The following KSR2 variants were observed in gnomAD, a reference collection of about 807,000 sequenced individuals.
The protein encoded by KSR2 is kinase suppressor of ras 2.
A neutral mutation model predicts 107.8 loss-of-function variants in KSR2; 25 were observed. The observed-to-expected ratio is 0.23, with a 90% CI of 0.17 to 0.32. KSR2 has a LOEUF of 0.32. KSR2 is among the 10% of genes least tolerant of loss of function. KSR2 has a pLI of 1.00. For synonymous variants in KSR2, 480 were observed against 507.0 expected, an observed-to-expected ratio of 0.95 and a Z score of 0.71; for missense variants, 887 against 1,268.9, an observed-to-expected ratio of 0.70 and a Z score of 4.57.
At chr12:117,898,850 T>C (rs1032447000) in intron 1 of KSR2, among the ~76,000 whole-genome samples, 1 of 152,184 alleles carries the variant, frequency 6.6e-6, no homozygotes, top group Admixed American at 6.5e-5. Flanking sequence ...TCACATGTTC[T>C]CAGTTATTTG....
intron 8 of KSR2, 116 bp downstream of exon 8, chr12:117,558,390 G>A: frequency 7.0e-6 from 5 of 710,510 alleles, no homozygotes; most frequent in Non-Finnish European, 1.3e-5. Flanking sequence ...AACAATGCTG[G>A]AAGTATGTGG....
At chr12:117,674,427 C>T (rs1301951010) in intron 4 of KSR2, 1 of 455,736 alleles carries the variant, frequency 2.2e-6, no homozygotes, top group South Asian at 1.6e-5. Context: ...TAAGTTCATT[C>T]ATATTGGAAG....
chr12:117,719,899 G>A (rs1472770349), intron 4 of KSR2, among the ~76,000 whole-genome samples: 2 of 152,148 alleles, frequency 1.3e-5, no homozygotes, highest in Non-Finnish European at 2.9e-5. Flanking sequence ...TAGTGTGTTG[G>A]GGGCGAAGGG....
At chr12:117,668,995 C>T (rs1167945575) in intron 4 of KSR2, among the ~76,000 whole-genome samples, 2 of 152,144 alleles carry the variant, frequency 1.3e-5, no homozygotes, top group Non-Finnish European at 2.9e-5. Context: ...CCCCTCAGCT[C>T]ACAGCATTTG....
At chr12:117,932,132 C>G (rs1006684779) in intron 1 of KSR2, among the ~76,000 whole-genome samples, 10 of 151,858 alleles carry the variant, frequency 6.6e-5, no homozygotes, top group Admixed American at 2.0e-4. Flanking sequence ...ACTAAAAATA[C>G]AAAAATTAGC....
chr12:117,583,418 T>C (rs941856599), intron 5 of KSR2, among the ~76,000 whole-genome samples: 8 of 127,606 alleles, frequency 6.3e-5, no homozygotes, highest in Non-Finnish European at 9.4e-5. Context: ...GATGGATGGA[T>C]GGATGGATGG....
chr12:117,756,990 G>A (rs1888815307), intron 4 of KSR2, among the ~76,000 whole-genome samples: 2 of 151,888 alleles, frequency 1.3e-5, no homozygotes. Context: ...AGGAGGTGGA[G>A]GTTGCAGTGA....
chr12:117,670,364 G>A (rs966665085), intron 4 of KSR2, among the ~76,000 whole-genome samples: 3 of 152,164 alleles, frequency 2.0e-5, no homozygotes, highest in Non-Finnish European at 4.4e-5. Context: ...GGGAGATGCT[G>A]TTATTATCTT....
intron 7 of KSR2, among the ~76,000 whole-genome samples, chr12:117,563,452 CCACT>C (rs1477350280): frequency 6.6e-6 from 1 of 152,164 alleles, no homozygotes; most frequent in Non-Finnish European, 1.5e-5. Context: ...AGCTGCCGAT[CCACT>C]CAGAGCCTCA....
At chr12:117,870,730 G>A (rs932036952) in intron 1 of KSR2, among the ~76,000 whole-genome samples, 6 of 152,188 alleles carry the variant, frequency 3.9e-5, no homozygotes, top group Non-Finnish European at 7.3e-5. Flanking sequence ...GAGATCCTGC[G>A]CTTGCCAAGG....
chr12:117,643,874 C>G (rs1162968269), intron 5 of KSR2, among the ~76,000 whole-genome samples: 1 of 152,210 alleles, frequency 6.6e-6, no homozygotes, highest in Non-Finnish European at 1.5e-5. Context: ...CAATTTTATT[C>G]TTAACACTAC....
intron 5 of KSR2, among the ~76,000 whole-genome samples, chr12:117,618,744 A>T (rs1170183931): frequency 2.0e-5 from 3 of 152,028 alleles, no homozygotes. Context: ...AGAATGTAAG[A>T]CGTGCCCTTC....
chr12:117,811,450 G>A (rs755845805), intron 3 of KSR2, among the ~76,000 whole-genome samples: 9 of 152,176 alleles, frequency 5.9e-5, no homozygotes, highest in South Asian at 2.1e-4. Flanking sequence ...CCCAGGCCCC[G>A]CCCCAGACAT....
At chr12:117,489,336 T>TA (rs1872629727) in intron 14 of KSR2, among the ~76,000 whole-genome samples, 1 of 151,972 alleles carries the variant, frequency 6.6e-6, no homozygotes, top group Non-Finnish European at 1.5e-5. Flanking sequence ...AAAAATGTTT[T>TA]AAAAAGTCAG....
At chr12:117,822,932 T>A (rs975284667) in intron 3 of KSR2, among the ~76,000 whole-genome samples, 1 of 152,080 alleles carries the variant, frequency 6.6e-6, no homozygotes, top group African/African-American at 2.4e-5. Context: ...AAAAGGGTTA[T>A]CCCAAGAGAA....
At chr12:117,580,211 A>T (rs893553103) in intron 6 of KSR2, among the ~76,000 whole-genome samples, 2 of 152,224 alleles carry the variant, frequency 1.3e-5, no homozygotes, top group African/African-American at 4.8e-5. Context: ...AATAAGCCAC[A>T]GCCCAAAGCC....
chr12:117,879,268 A>G (rs972378059), intron 1 of KSR2, among the ~76,000 whole-genome samples: 1 of 152,222 alleles, frequency 6.6e-6, no homozygotes, highest in Non-Finnish European at 1.5e-5. Context: ...TTTTAATGTT[A>G]TATAATTTAG....
chr12:117,932,678 C>T lies in KSR2; in HGVS notation c.180+35398G>A, dbSNP rs189124064. Among the ~76,000 whole-genome samples the T allele has an allele frequency of 1.8e-3, 279 of 151,774 alleles. 1 individual carries two copies. Among genetic ancestry groups the T allele is most frequent in the Non-Finnish European group, 1.6e-3 (110 of 67,890 alleles). On this transcript the variant is annotated intron_variant, in intron 1 of 19. Coordinates refer to ENST00000339824, the MANE Select transcript of KSR2 (RefSeq NM_173598.6). ...TCGAGGCTGCAGTGAGCTGTGATCA[C>T]GTCACTGCACTCCAGCCTGGGTGAC...
At chr12:117,713,349 A>T in intron 4 of KSR2, among the ~76,000 whole-genome samples, 1 of 150,860 alleles carries the variant, frequency 6.6e-6, no homozygotes, top group East Asian at 1.9e-4. Context: ...CTAAGTAGAC[A>T]GTAGATAGAT....
Sources: allele counts gnomAD v4.1 joint callset (sites outside exome capture counted in the v4.1 genomes callset), GRCh38; gene constraint gnomAD v4.1.1; transcripts MANE v1.5; gene names NCBI Gene and HGNC (gene_info 2026-07-23, HGNC 2026-07-21).